Variants in CPS1 observed in about 807,000 individuals in gnomAD.
CPS1 encodes the protein carbamoyl-phosphate synthase [ammonia], mitochondrial.
CPS1 carries 109 observed loss-of-function variants against 174.6 expected under a neutral mutation model. The ratio of observed to expected loss-of-function variants is 0.62; its 90% CI spans 0.53 to 0.73. The LOEUF (loss-of-function observed/expected upper bound fraction) is 0.73, where lower values mean the gene tolerates loss of function less well. Ranked by LOEUF, CPS1 falls within the 30% of genes least tolerant of loss-of-function variation. CPS1 has a pLI of 0.00. For synonymous variants in CPS1, 637 were observed against 632.0 expected (o/e 1.01, Z -0.12); for missense variants, 1,689 against 1,821.9 (o/e 0.93, Z 1.33).
intron 12 of CPS1, 89 bp from the exon 13 acceptor site, chr2:210,595,398 A>G (rs1355341048): frequency 1.1e-6 from 1 of 899,114 alleles, no homozygotes; most frequent in African/African-American, 1.6e-5. Context: ...ATAAACTCAG[A>G]CAATGTGGTT....
At position 210,605,241 on chromosome 2, in the gene CPS1, AC is replaced by A; in HGVS notation, c.1977del (p.His659GlnfsTer22). ...NMENVDAMGV[H>X]TGDSVVVAPA... ...GAAAATGTTGATGCCATGGGTGTTC[AC>A]ACAGGTAGGCAAAGTATCTTCAAGA... On this transcript the variant is annotated frameshift_variant, in exon 17 of 38. Coordinates refer to ENST00000233072, the MANE Select transcript of CPS1 (RefSeq NM_001875.5). LOFTEE classifies it high-confidence loss of function. 6.2e-7 allele frequency: 1 copy of A among 1,612,038 alleles called. No homozygotes were observed. The highest frequency in any genetic ancestry group is 8.5e-7 in the Non-Finnish European group (1 of 1,178,636).
rs953072501 is a variant in CPS1, at chr2:210,659,635, C to T, written c.3757-850C>T. 3.3e-5 allele frequency among the ~76,000 whole-genome samples: 5 copies of T among 152,114 alleles called. No homozygotes were observed. In the East Asian group the frequency reaches 7.7e-4, roughly 24 times the overall value. On this transcript the variant is annotated intron_variant, in intron 31 of 37. Coordinates refer to ENST00000233072, the MANE Select transcript of CPS1 (RefSeq NM_001875.5). ...AACCAGCATTGATTTACCTCCTACT[C>T]GCAGTCATTTGGTGGCTGCAAAAAT...
chr2:210,634,753 G>T (rs934968513), intron 21 of CPS1, among the ~76,000 whole-genome samples: 1 of 152,116 alleles, frequency 6.6e-6, no homozygotes, highest in Admixed American at 6.5e-5. Flanking sequence ...ATACAGGCAG[G>T]ACAGGTCTGA....
intron 21 of CPS1, chr2:210,617,941 CTT>C (rs1699367348): frequency 6.6e-6 from 1 of 151,938 alleles, no homozygotes; most frequent in Admixed American, 6.6e-5. Context: ...GTGCTAGAAA[CTT>C]ATAGTATGCC....
intron 1 of CPS1, among the ~76,000 whole-genome samples, chr2:210,491,313 T>G (rs1219184944): frequency 0.12 from 12,905 of 107,326 alleles, 1,776 homozygotes; most frequent in Middle Eastern, 0.19. Flanking sequence ...CTGTGTTTTT[T>G]TTTTTTTTTT....
intron 2 of CPS1, among the ~76,000 whole-genome samples, chr2:210,574,877 T>C (rs907679407): frequency 3.3e-4 from 8 of 24,236 alleles, no homozygotes; most frequent in Admixed American, 1.5e-3. Context: ...TAATTAAAGT[T>C]TTTTTTTGAT....
intron 7 of CPS1, among the ~76,000 whole-genome samples, chr2:210,589,896 C>G (rs1003225470): frequency 2.0e-5 from 3 of 151,868 alleles, no homozygotes; most frequent in Admixed American, 6.6e-5. Context: ...GCAATTCCCC[C>G]CTATCTTGAG....
At chr2:210,586,296 G>A (rs756181262) in intron 6 of CPS1, among the ~76,000 whole-genome samples, 4 of 151,942 alleles carry the variant, frequency 2.6e-5, no homozygotes, top group Non-Finnish European at 4.4e-5. Context: ...TTACTTATAT[G>A]TATGGAATTT....
At chr2:210,634,291 G>A (rs1299112479) in intron 21 of CPS1, among the ~76,000 whole-genome samples, 3 of 152,274 alleles carry the variant, frequency 2.0e-5, no homozygotes, top group East Asian at 1.9e-4. Flanking sequence ...TTAGCCAGGC[G>A]TGATGGCGGA....
At chr2:210,558,693 T>C (rs1213399194) in intron 1 of CPS1, among the ~76,000 whole-genome samples, 3 of 152,128 alleles carry the variant, frequency 2.0e-5, no homozygotes, top group Admixed American at 6.6e-5. Context: ...GGCACAGATA[T>C]GATTGAAATT....
At chr2:210,606,341 G>T (rs1450098163) in intron 17 of CPS1, among the ~76,000 whole-genome samples, 1 of 151,832 alleles carries the variant, frequency 6.6e-6, no homozygotes, top group Non-Finnish European at 1.5e-5. Context: ...AAGGGGCTAT[G>T]ATGAGGGAAG....
chr2:210,648,666 A>G lies in CPS1; in HGVS notation c.3404+126A>G, dbSNP rs1041167648. On this transcript the variant is annotated intron_variant, in intron 27 of 37. Coordinates refer to ENST00000233072, the MANE Select transcript of CPS1 (RefSeq NM_001875.5). ...TTATAAATCCATTAACAATTTCCAA[A>G]CCATCACAGCCAGTTTAAGGACCAA... 7.2e-6 allele frequency: 6 copies of G among 835,056 alleles called. No individual in the cohort carries two copies. The African/African-American group carries it at 1.0e-4, about 14-fold the overall frequency. The allele number at this position is 835,056 out of a possible 1,614,324, so 51.7% of individuals were successfully genotyped here.
intron 21 of CPS1, among the ~76,000 whole-genome samples, chr2:210,628,539 A>G (rs1275427128): frequency 6.6e-6 from 1 of 152,178 alleles, no homozygotes; most frequent in Non-Finnish European, 1.5e-5. Context: ...TTATTAGTAG[A>G]TAGGCTTCTG....
intron 12 of CPS1, 107 bp from the exon 13 acceptor site, chr2:210,595,380 A>G (rs1469077966): frequency 1.2e-5 from 10 of 808,090 alleles, no homozygotes; most frequent in Non-Finnish European, 2.2e-5. Flanking sequence ...TAGACCTTAG[A>G]TGACCACATA....
chr2:210,629,749 A>G (rs756591831), intron 21 of CPS1, among the ~76,000 whole-genome samples: 1 of 151,452 alleles, frequency 6.6e-6, no homozygotes, highest in African/African-American at 2.4e-5. Flanking sequence ...GAGTCATTGC[A>G]TCTTAAATTA....
intron 1 of CPS1, among the ~76,000 whole-genome samples, chr2:210,571,653 A>G (rs1299148988): frequency 6.6e-6 from 1 of 151,972 alleles, no homozygotes; most frequent in African/African-American, 2.4e-5. Context: ...ACATTGCAGA[A>G]CACAATCATT....
chr2:210,613,384 A>G (rs1699195038), intron 20 of CPS1, among the ~76,000 whole-genome samples: 1 of 151,884 alleles, frequency 6.6e-6, no homozygotes, highest in Admixed American at 6.6e-5. Flanking sequence ...GGGAGTTGCT[A>G]TTATCTCTTG....
At chr2:210,663,687 A>G (rs2105926799) in intron 33 of CPS1, among the ~76,000 whole-genome samples, 1 of 152,300 alleles carries the variant, frequency 6.6e-6, no homozygotes, top group South Asian at 2.1e-4. Flanking sequence ...GGGATTATCT[A>G]AAAACTATAA....
chr2:210,608,155 TCCTGTGA>T (rs1386944671), intron 18 of CPS1, among the ~76,000 whole-genome samples, 199 bp from the exon 19 acceptor site: 1 of 151,894 alleles, frequency 6.6e-6, no homozygotes, highest in Non-Finnish European at 1.5e-5. Context: ...GAGTAAATTC[TCCTGTGA>T]CCTGTGCCTC....
Sources: allele counts gnomAD v4.1 joint callset (sites outside exome capture counted in the v4.1 genomes callset), GRCh38; gene constraint gnomAD v4.1.1; transcripts MANE v1.5; gene names NCBI Gene and HGNC (gene_info 2026-07-23, HGNC 2026-07-21).